Variants in CFH observed in about 807,000 individuals in gnomAD.
CFH encodes complement factor H.
Under a neutral mutation model 147.3 loss-of-function variants are expected in CFH, and 53 were observed. The ratio of observed to expected loss-of-function variants is 0.36; its 90% confidence interval spans 0.29 to 0.45. The LOEUF (loss-of-function observed/expected upper bound fraction) is 0.45, where lower values mean the gene tolerates loss of function less well. Ranked by LOEUF, CFH falls within the 20% of genes least tolerant of loss-of-function variation. The pLI is 1.00. For synonymous variants in CFH, 536 were observed against 489.4 expected, an observed-to-expected ratio of 1.10 and a Z score of -1.26; for missense variants, 1,380 against 1,498.0, an observed-to-expected ratio of 0.92 and a Z score of 1.30.
At chr1:196,700,174 C>A in intron 9 of CFH, among the ~76,000 whole-genome samples, 1 of 152,128 alleles carries the variant, frequency 6.6e-6, no homozygotes, top group East Asian at 1.9e-4. Context: ...CTCAATTTTC[C>A]AGCCACTCCC....
Position 196,693,856 on chromosome 1 carries a change from G to A in CFH, c.1336+3617G>A, listed in dbSNP as rs1668152436. On this transcript the variant is annotated intron_variant, in intron 9 of 21. Coordinates refer to ENST00000367429, the MANE Select transcript of CFH (RefSeq NM_000186.4). ...CATTTGCATTGTTTTTGGCATTTGT[G>A]AATCATGCTGTTAAGAAAAATATTC... Among the ~76,000 whole-genome samples, 4 of 152,006 alleles carry A rather than the reference G, an allele frequency of 2.6e-5. No homozygotes were observed. The South Asian group carries it at 6.2e-4, about 24-fold the overall frequency.
intron 21 of CFH, among the ~76,000 whole-genome samples, chr1:196,746,228 G>C (rs1238927608): frequency 6.7e-6 from 1 of 148,696 alleles, no homozygotes; most frequent in Non-Finnish European, 1.5e-5. Context: ...GGCAGATCAC[G>C]AGGTCAGGAG....
chr1:196,723,371 T>C (rs1388985220), intron 11 of CFH, among the ~76,000 whole-genome samples: 1 of 152,170 alleles, frequency 6.6e-6, no homozygotes, highest in Non-Finnish European at 1.5e-5. Flanking sequence ...TATGATGGCT[T>C]TCTTAATTGC....
chr1:196,721,080 C>G (rs976036315), intron 11 of CFH, among the ~76,000 whole-genome samples: 2 of 151,512 alleles, frequency 1.3e-5, no homozygotes, highest in Non-Finnish European at 3.0e-5. Flanking sequence ...TTTCATATTT[C>G]TTGGTCATTT....
intron 7 of CFH, among the ~76,000 whole-genome samples, chr1:196,687,749 T>C (rs575355571): frequency 1.3e-5 from 2 of 152,142 alleles, no homozygotes; most frequent in African/African-American, 4.8e-5. Flanking sequence ...TCCAAATCTT[T>C]AAAAAGTGGT....
At chr1:196,701,725 A>G (rs1374611490) in intron 9 of CFH, among the ~76,000 whole-genome samples, 1 of 152,042 alleles carries the variant, frequency 6.6e-6, no homozygotes, top group African/African-American at 2.4e-5. Flanking sequence ...CCAGAGACAA[A>G]CCCTAGCAGC....
chr1:196,670,875 T>C (rs1392074360), intron 1 of CFH, among the ~76,000 whole-genome samples: 1 of 152,200 alleles, frequency 6.6e-6, no homozygotes, highest in East Asian at 1.9e-4. Flanking sequence ...TATTGTTTCT[T>C]CAAATATTGC....
At position 196,747,381 on chromosome 1, in the gene CFH, T is replaced by TA; in HGVS notation, c.*69dup. ...TAAATCAGTTCTCAATTTCATTTTTTATGTATTGTTTTACTCCTTTTTATT... is the reference window on the plus strand; with the variant it reads ...TAAATCAGTTCTCAATTTCATTTTTTAATGTATTGTTTTACTCCTTTTTATT... On this transcript the variant is annotated 3_prime_UTR_variant, in exon 22 of 22. Transcript: ENST00000367429. 1 of 1,600,096 alleles carries TA rather than the reference T, an allele frequency of 6.2e-7. No individual in the cohort carries two copies. Among genetic ancestry groups the TA allele is most frequent in the Non-Finnish European group, 8.6e-7 (1 of 1,169,328 alleles).
rs957417991 is a variant in CFH, at chr1:196,710,818, A to G, written c.1337-2917A>G. The stretch of plus-strand genomic sequence containing the variant: ...AAGCATACAGATCCTGTATTTTACT[A>G]GATTTATAACTAAATATTTTGTATT... On this transcript the variant is annotated intron_variant, in intron 9 of 21. Coordinates refer to ENST00000367429, the MANE Select transcript of CFH (RefSeq NM_000186.4). 3.3e-5 allele frequency among the ~76,000 whole-genome samples: 5 copies of G among 152,016 alleles called. No individual in the cohort carries two copies. The South Asian group carries it at 1.0e-3, about 31-fold the overall frequency.
At chr1:196,698,066 A>T (rs1668337542) in intron 9 of CFH, among the ~76,000 whole-genome samples, 1 of 151,550 alleles carries the variant, frequency 6.6e-6, no homozygotes, top group Non-Finnish European at 1.5e-5. Context: ...ATGAAGAGTT[A>T]ATGGGTGCAG....
intron 6 of CFH, among the ~76,000 whole-genome samples, chr1:196,680,658 C>A (rs1285882183): frequency 1.3e-5 from 2 of 151,696 alleles, no homozygotes; most frequent in Non-Finnish European, 2.9e-5. Flanking sequence ...ACAGTGTTAC[C>A]ACATATGGTC....
chr1:196,715,230 G>A (rs546971148), intron 10 of CFH, among the ~76,000 whole-genome samples: 4 of 151,776 alleles, frequency 2.6e-5, no homozygotes, highest in Middle Eastern at 3.4e-3. Flanking sequence ...CTACGAATTA[G>A]TTTGGACTCT....
intron 11 of CFH, among the ~76,000 whole-genome samples, chr1:196,721,560 C>T (rs967189021): frequency 3.9e-5 from 6 of 151,930 alleles, no homozygotes; most frequent in African/African-American, 1.4e-4. Flanking sequence ...GTTAAAATGT[C>T]TGTTAGGTCC....
intron 9 of CFH, among the ~76,000 whole-genome samples, chr1:196,691,413 T>C (rs971795930): frequency 6.6e-6 from 1 of 152,092 alleles, no homozygotes; most frequent in African/African-American, 2.4e-5. Context: ...GTTACTTCTT[T>C]TTTTACATGT....
At chr1:196,746,102 C>T (rs1422105324) in intron 21 of CFH, 103 bp downstream of exon 21, 19 of 1,586,636 alleles carry the variant, frequency 1.2e-5, no homozygotes, top group Non-Finnish European at 1.6e-5. Flanking sequence ...AACCATTCTG[C>T]TGAATGCTTG....
chr1:196,688,404 CA>C (rs1667900669), intron 7 of CFH, among the ~76,000 whole-genome samples: 1 of 151,906 alleles, frequency 6.6e-6, no homozygotes, highest in Admixed American at 6.6e-5. Context: ...AAAAGTTAAT[CA>C]AAATCTTAAC....
rs567284 is a variant in CFH at position 196,669,543 on chromosome 1, T to A, written c.59-3435T>A. ...CAGCCATGTCTAAAAGGGGCCAACA[T>A]ACAGCTTGGGCCATTGCTTCAGATA... On this transcript the variant is annotated intron_variant, in intron 1 of 21. Coordinates refer to ENST00000367429, the MANE Select transcript of CFH (RefSeq NM_000186.4). Among the ~76,000 whole-genome samples the A allele has an allele frequency of 6.0e-3, 913 of 152,310 alleles. 8 individuals are homozygous for A. The highest frequency in any genetic ancestry group is 0.02 in the African/African-American group (851 of 41,578).
At chr1:196,694,195 C>A (rs1423550766) in intron 9 of CFH, among the ~76,000 whole-genome samples, 1 of 151,974 alleles carries the variant, frequency 6.6e-6, no homozygotes, top group Non-Finnish European at 1.5e-5. Context: ...GTGATGTTCC[C>A]CTCCCTATGT....
In CFH at chr1:196,689,521, T is replaced by C. The variant is rs1667951869; in HGVS notation, c.1066T>C (p.Tyr356His). The C allele has an allele frequency of 6.2e-7, 1 of 1,613,530 alleles. No homozygotes were observed. The highest frequency in any genetic ancestry group is 1.7e-5 in the Admixed American group (1 of 59,926). Residue 356 changes from tyrosine (Y) to histidine (H), a missense_variant, in exon 8 of 22, where the codon TAC (tyrosine) becomes CAC (histidine). By Grantham distance (83) the Tyr-to-His change is moderately conservative (BLOSUM62 2). Around this residue, in one of 4 missense-constraint regions of CFH, gnomAD observed 167 missense variants for 228.0 expected, o/e 0.73. Transcript: ENST00000367429. ...AGCTGTAGGAAAATATTACTCCTAT[T>C]ACTGTGATGAACATTTTGAGACTCC... ...PVAVGKYYSY[Y>H]CDEHFETPSG...
Sources: gnomAD v4.1 joint callset for allele counts (sites outside exome capture counted in the v4.1 genomes callset) on GRCh38, gnomAD v4.1.1 for gene constraint, gnomAD v4.1.1 regional missense constraint, MANE v1.5 for transcripts, NCBI Gene and HGNC (gene_info 2026-07-23, HGNC 2026-07-21) for gene names.